The following MPDZ variants were observed in gnomAD, a reference collection of about 807,000 sequenced individuals.
MPDZ encodes the protein multiple PDZ domain protein.
A neutral mutation model predicts 239.1 loss-of-function variants in MPDZ; 234 were observed. The observed-to-expected ratio is 0.98, with a 90% CI of 0.88 to 1.09. The LOEUF (loss-of-function observed/expected upper bound fraction) is 1.09, where lower values mean the gene tolerates loss of function less well. MPDZ is among the 50% of genes least tolerant of loss of function. MPDZ has a pLI of 0.00. For synonymous variants in MPDZ, 1,048 were observed against 881.3 expected (o/e 1.19, Z -3.35); for missense variants, 3,175 against 2,510.0 (o/e 1.26, Z -5.66).
Position 13,113,920 on chromosome 9 carries a change from A to G in MPDZ, c.5557+11T>C. The stretch of plus-strand genomic sequence containing the variant: ...ATTCAAACCATGTTTAAAATACTGA[A>G]CCAATCTTACATGCATTCTTCTTTG... On this transcript the variant is annotated intron_variant, in intron 41 of 46. Transcript: ENST00000319217. The G allele has an allele frequency of 6.4e-7, 1 of 1,571,018 alleles. No homozygotes were observed. The highest frequency in any genetic ancestry group is 8.7e-7 in the Non-Finnish European group (1 of 1,155,362).
At chr9:13,134,967 C>T (rs1210497870) in intron 31 of MPDZ, 1 of 152,166 alleles carries the variant, frequency 6.6e-6, no homozygotes, top group Admixed American at 6.6e-5. Context: ...TGCCCTTGGC[C>T]CTCTTTCTCT....
chr9:13,131,137 T>C (rs1945937704), intron 32 of MPDZ, among the ~76,000 whole-genome samples: 1 of 152,208 alleles, frequency 6.6e-6, no homozygotes, highest in Non-Finnish European at 1.5e-5. Flanking sequence ...AGCTGATTCA[T>C]GAGTGTTAAA....
intron 8 of MPDZ, among the ~76,000 whole-genome samples, chr9:13,218,362 T>C (rs1285125456): frequency 1.3e-5 from 2 of 151,860 alleles, no homozygotes; most frequent in East Asian, 3.9e-4. Flanking sequence ...ATCGAATGGT[T>C]TTAAAAGGGG....
At chr9:13,274,688 G>A (rs1027327388) in intron 1 of MPDZ, 2 of 151,330 alleles carry the variant, frequency 1.3e-5, no homozygotes, top group African/African-American at 2.4e-5. Context: ...TTCCCAAAAG[G>A]GGGAAACATT....
At chr9:13,140,471 T>C (rs1028492803) in intron 27 of MPDZ, among the ~76,000 whole-genome samples, 1 of 148,036 alleles carries the variant, frequency 6.8e-6, no homozygotes, top group Middle Eastern at 3.4e-3. Flanking sequence ...GTTTTTGACA[T>C]GATATTCTTA....
intron 1 of MPDZ, among the ~76,000 whole-genome samples, chr9:13,270,279 T>G (rs570616967): frequency 6.6e-6 from 1 of 152,342 alleles, no homozygotes; most frequent in South Asian, 2.1e-4. Flanking sequence ...TTCAATTAAG[T>G]GATCAGAAGG....
chr9:13,230,082 A>C (rs867292790), intron 3 of MPDZ, among the ~76,000 whole-genome samples: 10 of 152,282 alleles, frequency 6.6e-5, no homozygotes, highest in South Asian at 6.2e-4. Context: ...TAAGTACATA[A>C]AAGAAATTTA....
intron 39 of MPDZ, among the ~76,000 whole-genome samples, chr9:13,116,154 T>C (rs1943414616): frequency 2.0e-5 from 3 of 152,068 alleles, no homozygotes; most frequent in Admixed American, 6.6e-5. Flanking sequence ...CAATCTTTCT[T>C]GCACCCCTTT....
In MPDZ at chr9:13,193,330, A is replaced by G. The variant is rs1955204078; in HGVS notation, c.1657-17T>C. On this transcript the variant is annotated splice_polypyrimidine_tract_variant and intron_variant, in intron 13 of 46. Coordinates refer to ENST00000319217, the MANE Select transcript of MPDZ (RefSeq NM_001378778.1). Reference sequence around the variant, plus strand: ...ATGGGCCACCTGAAAAGAAAAAAAAAAAGATCACCACAATTTTTATATTCT... The same window carrying G: ...ATGGGCCACCTGAAAAGAAAAAAAAGAAGATCACCACAATTTTTATATTCT... 2.5e-6 allele frequency: 4 copies of G among 1,575,424 alleles called. No individual in the cohort carries two copies. Among genetic ancestry groups the G allele is most frequent in the Admixed American group, 1.9e-5 (1 of 53,672 alleles).
chr9:13,125,426 C>A, intron 34 of MPDZ, 36 bp from the exon 35 acceptor site: 1 of 1,582,816 alleles, frequency 6.3e-7, no homozygotes, highest in South Asian at 1.1e-5. Context: ...AAACAAAATT[C>A]AAAGCTGAAT....
Position 13,165,385 on chromosome 9 carries a change from T to C in MPDZ, c.3255-2590A>G, listed in dbSNP as rs1209283814. The C allele has an allele frequency of 2.6e-6, 4 of 1,549,494 alleles. No individual in the cohort carries two copies. The Admixed American group carries it at 7.9e-5, about 30-fold the overall frequency. ...TACTCACACATAAAAGGGGGCTCGA[T>C]CGTCAGCAGGTGCTGCAGAAAATCT... On this transcript the variant is annotated intron_variant, in intron 22 of 46. Transcript: ENST00000319217.
intron 1 of MPDZ, among the ~76,000 whole-genome samples, chr9:13,261,471 C>CAAATACCCTTGCTTACG (rs1168092419): frequency 1.3e-5 from 2 of 152,024 alleles, no homozygotes; most frequent in African/African-American, 4.8e-5. Flanking sequence ...AAAACCCTCT[C>CAAATACCCTTGCTTACG]AAATACCCTT....
At chr9:13,212,791 T>TAAA (rs145889448) in intron 10 of MPDZ, among the ~76,000 whole-genome samples, 25 of 110,534 alleles carry the variant, frequency 2.3e-4, no homozygotes, top group South Asian at 6.3e-4. Context: ...GGTCAAGGTT[T>TAAA]AAAAAAAAAA....
rs1345476185 is a variant in MPDZ, at chr9:13,230,408, A to AGTAGG, written c.184-5830_184-5826dup. On this transcript the variant is annotated intron_variant, in intron 3 of 46. Transcript: ENST00000319217. ...AAAAATTGGAAACAAAATACCCCTC[A>AGTAGG]GTAGGTAAATCCAATAAGAAATACT... 2.0e-5 allele frequency among the ~76,000 whole-genome samples: 3 copies of AGTAGG among 152,326 alleles called. No individual in the cohort carries two copies. The East Asian group carries it at 5.8e-4, about 29-fold the overall frequency.
chr9:13,156,832 A>G (rs1949879404), intron 24 of MPDZ, among the ~76,000 whole-genome samples: 1 of 152,154 alleles, frequency 6.6e-6, no homozygotes, highest in Non-Finnish European at 1.5e-5. Flanking sequence ...TTCTACCTCT[A>G]TCCACAAATA....
intron 39 of MPDZ, among the ~76,000 whole-genome samples, chr9:13,115,950 CAAAAA>C (rs71491603): frequency 2.5e-5 from 1 of 40,614 alleles, no homozygotes; most frequent in Non-Finnish European, 4.8e-5. Flanking sequence ...GACTCCACCT[CAAAAA>C]AAAAAAAAAA....
chr9:13,240,299 C>T (rs1433684697), intron 3 of MPDZ, among the ~76,000 whole-genome samples: 7 of 151,810 alleles, frequency 4.6e-5, no homozygotes, highest in Non-Finnish European at 7.4e-5. Flanking sequence ...CTCTCCATTC[C>T]ACTATTATCT....
chr9:13,111,896 G>T, intron 43 of MPDZ, 128 bp downstream of exon 43: 2 of 826,072 alleles, frequency 2.4e-6, no homozygotes, highest in Non-Finnish European at 3.5e-6. Flanking sequence ...TGCTGTGGTT[G>T]GATTAGATGA....
At chr9:13,249,104 TCA>T (rs199752806) in intron 2 of MPDZ, among the ~76,000 whole-genome samples, 3,454 of 145,666 alleles carry the variant, frequency 0.024, 65 homozygotes, top group Admixed American at 0.068. Flanking sequence ...GATCATGGGT[TCA>T]CACACACACA....
Sources: gnomAD v4.1 joint callset for allele counts (sites outside exome capture counted in the v4.1 genomes callset) on GRCh38, gnomAD v4.1.1 for gene constraint, MANE v1.5 for transcripts, NCBI Gene and HGNC (gene_info 2026-07-23, HGNC 2026-07-21) for gene names.